The following TMEM245 variants were observed in gnomAD, a reference collection of about 807,000 sequenced individuals.
The protein encoded by TMEM245 is transmembrane protein 245.
A neutral mutation model predicts 101.2 loss-of-function variants in TMEM245; 69 were observed. The observed-to-expected ratio is 0.68, with a 90% CI of 0.56 to 0.83. TMEM245 has a LOEUF of 0.83. TMEM245 is among the 40% of genes least tolerant of loss of function. The pLI is 0.00. For missense variants in TMEM245, 1,075 were observed against 1,092.8 expected (o/e 0.98, Z 0.23); for synonymous variants, 537 against 449.8 (o/e 1.19, Z -2.45).
At chr9:109,067,130 T>C (rs546649689) in intron 9 of TMEM245, among the ~76,000 whole-genome samples, 283 of 152,030 alleles carry the variant, frequency 1.9e-3, no homozygotes, top group African/African-American at 6.0e-3. Flanking sequence ...CAAATGTCTA[T>C]TGGGCCTGGG....
At position 109,083,920 on chromosome 9, in the gene TMEM245, A is replaced by AAAC. The variant is rs1554725108; in HGVS notation, c.1344+2076_1344+2077insGTT. 2.3e-4 allele frequency among the ~76,000 whole-genome samples: 33 copies of AAAC among 144,226 alleles called. 1 individual carries two copies. Among genetic ancestry groups the AAAC allele is most frequent in the Non-Finnish European group, 4.7e-4 (31 of 65,820 alleles). 94.6% of individuals were successfully genotyped at this position (144,226 alleles called of 152,430 possible). On this transcript the variant is annotated intron_variant, in intron 7 of 17. Coordinates refer to ENST00000374586, the MANE Select transcript of TMEM245 (RefSeq NM_032012.4). ...AAAATACAAAAAAAAAAAAAAAAAAAAAAAAAAAACACCAGGCATGGTGGT... is the reference window on the plus strand; with the variant it reads ...AAAATACAAAAAAAAAAAAAAAAAAAAACAAAAAAAAACACCAGGCATGGTGGT...
At chr9:109,077,984 CCT>C (rs1489738112) in intron 8 of TMEM245, among the ~76,000 whole-genome samples, 1 of 152,112 alleles carries the variant, frequency 6.6e-6, no homozygotes, top group Non-Finnish European at 1.5e-5. Flanking sequence ...CTCTATTGGT[CCT>C]CTGTTGTTCC....
intron 9 of TMEM245, among the ~76,000 whole-genome samples, chr9:109,067,477 T>C (rs11788825): frequency 2.0e-5 from 3 of 152,048 alleles, no homozygotes; most frequent in Admixed American, 6.6e-5. Flanking sequence ...GGGTAAAGGT[T>C]AATCTCTATC....
At position 109,085,890 on chromosome 9, in the gene TMEM245, A is replaced by G. The variant is rs995473447; in HGVS notation, c.1344+107T>C. On this transcript the variant is annotated intron_variant, in intron 7 of 17. Coordinates refer to ENST00000374586, the MANE Select transcript of TMEM245 (RefSeq NM_032012.4). ...CCATAGCTTATAATTAAAACTTTGA[A>G]AACAAAAACTTAGTTTGACACATGG... 1.2e-5 allele frequency: 15 copies of G among 1,279,042 alleles called. No homozygotes were observed. The African/African-American group carries it at 1.5e-4, about 13-fold the overall frequency. 79.2% of individuals were successfully genotyped at this position (1,279,042 alleles called of 1,614,324 possible). A position where few individuals can be genotyped will look rare whatever the true frequency, so the allele number is the denominator to read the frequency against.
At chr9:109,099,206 C>T (rs1045387522) in intron 3 of TMEM245, among the ~76,000 whole-genome samples, 10 of 152,186 alleles carry the variant, frequency 6.6e-5, no homozygotes, top group African/African-American at 1.9e-4. Flanking sequence ...TCTAGTATCA[C>T]GTCACAAGGG....
chr9:109,048,638 T>C (rs571276359), intron 14 of TMEM245, among the ~76,000 whole-genome samples: 15 of 152,056 alleles, frequency 9.9e-5, no homozygotes, highest in Admixed American at 7.2e-4. Flanking sequence ...AAAAATGTAG[T>C]TGAGTCTTGT....
chr9:109,043,176 G>C (rs1195624228), intron 14 of TMEM245, among the ~76,000 whole-genome samples: 1 of 152,148 alleles, frequency 6.6e-6, no homozygotes, highest in Non-Finnish European at 1.5e-5. Flanking sequence ...AAACCAGTTA[G>C]TCAACATTTT....
At chr9:109,072,249 ACACTCC>A (rs1829356365) in intron 9 of TMEM245, among the ~76,000 whole-genome samples, 1 of 151,452 alleles carries the variant, frequency 6.6e-6, no homozygotes, top group East Asian at 1.9e-4. Flanking sequence ...AAGGAGAAAG[ACACTCC>A]CTTGAAACAC....
intron 3 of TMEM245, among the ~76,000 whole-genome samples, chr9:109,094,967 G>C (rs1588070842): frequency 6.6e-6 from 1 of 152,162 alleles, no homozygotes; most frequent in African/African-American, 2.4e-5. Context: ...CCCTCTCCCA[G>C]ATAGCAGCAA....
intron 15 of TMEM245, among the ~76,000 whole-genome samples, chr9:109,036,916 A>G (rs1588023652): frequency 6.6e-6 from 1 of 152,260 alleles, no homozygotes; most frequent in Middle Eastern, 3.4e-3. Context: ...TTCTGGTCCT[A>G]CCAGAAGCCA....
intron 14 of TMEM245, among the ~76,000 whole-genome samples, chr9:109,040,936 T>C (rs1365529795): frequency 2.6e-5 from 4 of 152,230 alleles, no homozygotes; most frequent in African/African-American, 9.6e-5. Context: ...TATGCTTTCA[T>C]TTCTCGTCTG....
intron 3 of TMEM245, among the ~76,000 whole-genome samples, chr9:109,096,684 C>A (rs759367168): frequency 6.6e-6 from 1 of 152,074 alleles, no homozygotes; most frequent in South Asian, 2.1e-4. Flanking sequence ...AAAACAAAGA[C>A]CTTCAGGTCA....
intron 12 of TMEM245, among the ~76,000 whole-genome samples, chr9:109,056,924 C>CA (rs1245924313): frequency 6.6e-6 from 1 of 152,182 alleles, no homozygotes; most frequent in Non-Finnish European, 1.5e-5. Flanking sequence ...TCGCACAACA[C>CA]AAAGGCAGGT....
chr9:109,027,082 T>C (rs1827811496), intron 17 of TMEM245, among the ~76,000 whole-genome samples: 1 of 152,112 alleles, frequency 6.6e-6, no homozygotes, highest in South Asian at 2.1e-4. Flanking sequence ...CACAAGACCC[T>C]AAAAAGCTGG....
At chr9:109,108,884 T>G (rs1158227596) in intron 1 of TMEM245, among the ~76,000 whole-genome samples, 2 of 152,184 alleles carry the variant, frequency 1.3e-5, no homozygotes, top group Non-Finnish European at 2.9e-5. Context: ...GGATTTAAAT[T>G]AAGAATCTAA....
intron 7 of TMEM245, among the ~76,000 whole-genome samples, chr9:109,083,655 T>A (rs1829734769): frequency 6.6e-6 from 1 of 152,020 alleles, no homozygotes; most frequent in South Asian, 2.1e-4. Context: ...AGTATTCCAC[T>A]ACTGAGTTTT....
In TMEM245 at chr9:109,050,464, G is replaced by A. The variant is rs374560949; in HGVS notation, c.1978-36C>T. 27 of 1,612,354 alleles carry A rather than the reference G, an allele frequency of 1.7e-5. No homozygotes were observed. The African/African-American group carries it at 2.4e-4, about 14-fold the overall frequency. On this transcript the variant is annotated intron_variant, in intron 13 of 17. Coordinates refer to ENST00000374586, the MANE Select transcript of TMEM245 (RefSeq NM_032012.4). ...AAGGACAACATCTCCTAAAAAAATCGTATTTGGAAACTATAGGAAGACAGA... is the reference window on the plus strand; with the variant it reads ...AAGGACAACATCTCCTAAAAAAATCATATTTGGAAACTATAGGAAGACAGA...
At chr9:109,072,212 GCT>G (rs999877127) in intron 9 of TMEM245, among the ~76,000 whole-genome samples, 2 of 152,160 alleles carry the variant, frequency 1.3e-5, no homozygotes, top group Non-Finnish European at 2.9e-5. Flanking sequence ...AGCAAGACCT[GCT>G]CTCTTATCTG....
intron 14 of TMEM245, chr9:109,046,233 A>G (rs747512919): frequency 1.9e-6 from 1 of 534,628 alleles, no homozygotes; most frequent in Non-Finnish European, 3.8e-6. Flanking sequence ...TCATGTGAAA[A>G]TATCACACAC....
Sources: gnomAD v4.1 joint callset for allele counts (sites outside exome capture counted in the v4.1 genomes callset) on GRCh38, gnomAD v4.1.1 for gene constraint, MANE v1.5 for transcripts, NCBI Gene and HGNC (gene_info 2026-07-23, HGNC 2026-07-21) for gene names.